Variants in MAPK10 observed in about 807,000 individuals in gnomAD.
MAPK10 encodes mitogen-activated protein kinase 10, also known as JNK3 alpha protein kinase.
MAPK10 carries 25 observed loss-of-function variants against 59.3 expected under a neutral mutation model. That is an observed-to-expected ratio of 0.42 (90% CI 0.31 to 0.59). The LOEUF is 0.59. Among genes scored for constraint, MAPK10 ranks in the 20% least tolerant of loss-of-function variants. MAPK10 has a pLI of 0.15. For missense variants in MAPK10, 351 were observed against 568.9 expected (o/e 0.62, Z 3.90); for synonymous variants, 190 against 200.5 (o/e 0.95, Z 0.44).
chr4:86,213,573 T>TA (rs1255151634), intron 2 of MAPK10, among the ~76,000 whole-genome samples: 4 of 152,026 alleles, frequency 2.6e-5, no homozygotes, highest in Non-Finnish European at 5.9e-5. Context: ...AATAAGAGAT[T>TA]ACTGTGATTA....
intron 1 of MAPK10, among the ~76,000 whole-genome samples, chr4:86,398,193 T>A (rs1042477015): frequency 4.7e-5 from 7 of 150,130 alleles, no homozygotes; most frequent in African/African-American, 1.7e-4. Flanking sequence ...TGCCCATAAT[T>A]AGTATTTCTA....
intron 1 of MAPK10, among the ~76,000 whole-genome samples, chr4:86,529,363 T>C (rs528169110): frequency 6.6e-6 from 1 of 152,166 alleles, no homozygotes; most frequent in Non-Finnish European, 1.5e-5. Context: ...TCTGCAGGCA[T>C]GTGAGGACTT....
Position 86,049,059 on chromosome 4 carries a change from C to T in MAPK10, c.1110+15207G>A, listed in dbSNP as rs1310024713. On this transcript the variant is annotated intron_variant, in intron 11 of 13. Transcript: ENST00000641462. Reference sequence around the variant, plus strand: ...ATTATATAAGAAAGCATTTGTGTACCACATTTACATATGAGATGTTTATCA... The same window carrying T: ...ATTATATAAGAAAGCATTTGTGTACTACATTTACATATGAGATGTTTATCA... 2.0e-5 allele frequency among the ~76,000 whole-genome samples: 3 copies of T among 151,982 alleles called. No individual in the cohort carries two copies. In the East Asian group the frequency reaches 5.8e-4, roughly 29 times the overall value.
In MAPK10 at chr4:86,343,211, C is replaced by A. The variant is rs182842254; in HGVS notation, c.-7+11319G>T. Among the ~76,000 whole-genome samples, 22 of 152,270 alleles carry A rather than the reference C, an allele frequency of 1.4e-4. No individual in the cohort carries two copies. In the East Asian group the frequency reaches 4.2e-3, roughly 29 times the overall value. On this transcript the variant is annotated intron_variant, in intron 2 of 13. Transcript: ENST00000641462. The stretch of plus-strand genomic sequence containing the variant: ...GTCTTCCTCATGAAGACCTCCTGAC[C>A]TACCATCTGTAAAGGACTGCTTCCT...
intron 1 of MAPK10, among the ~76,000 whole-genome samples, chr4:86,369,963 T>C (rs961550861): frequency 6.6e-6 from 1 of 152,154 alleles, no homozygotes. Context: ...AATTAGATAA[T>C]GTATGTGACA....
At chr4:86,103,160 C>T in intron 6 of MAPK10, 26 bp downstream of exon 6, 8 of 1,581,306 alleles carry the variant, frequency 5.1e-6, no homozygotes, top group Non-Finnish European at 6.9e-6. Context: ...TGTGCTCTCC[C>T]TTCCTTCATG....
rs546824479 is a variant in MAPK10, at chr4:86,489,295, T to A, written c.-263+104615A>T. On this transcript the variant is annotated intron_variant, in intron 1 of 4. Coordinates refer to the MAPK10 transcript ENST00000502302. Reference sequence around the variant, plus strand: ...AATTATTTATGCAGTAATAGATAACTAATTATAGACTCAAGTATCTCAAAG... The same window carrying A: ...AATTATTTATGCAGTAATAGATAACAAATTATAGACTCAAGTATCTCAAAG... 1.7e-4 allele frequency among the ~76,000 whole-genome samples: 26 copies of A among 152,314 alleles called. No homozygotes were observed. The South Asian group carries it at 5.2e-3, about 30-fold the overall frequency.
chr4:86,366,940 T>G (rs899277961), intron 1 of MAPK10, among the ~76,000 whole-genome samples: 4 of 152,152 alleles, frequency 2.6e-5, no homozygotes, highest in Admixed American at 1.3e-4. Flanking sequence ...CTTAAAGTCC[T>G]ACATCATAGG....
intron 11 of MAPK10, among the ~76,000 whole-genome samples, chr4:86,041,702 A>G (rs2041560988): frequency 6.6e-6 from 1 of 152,236 alleles, no homozygotes; most frequent in Non-Finnish European, 1.5e-5. Context: ...TTATGTGGCC[A>G]ACAAACATGT....
Position 86,198,045 on chromosome 4 carries a change from T to C in MAPK10, c.-6-3638A>G, listed in dbSNP as rs190811523. Among the ~76,000 whole-genome samples the C allele has an allele frequency of 3.3e-5, 5 of 152,202 alleles. No homozygotes were observed. In the East Asian group the frequency reaches 7.7e-4, roughly 24 times the overall value. On this transcript the variant is annotated intron_variant, in intron 2 of 13. Transcript: ENST00000641462. ...CATGCTGATCCACCCCAATTAGTCATTGTATGGGGATGGGGAGAAACTAGA... is the reference window on the plus strand; with the variant it reads ...CATGCTGATCCACCCCAATTAGTCACTGTATGGGGATGGGGAGAAACTAGA...
chr4:86,216,295 CATATATATATAT>C (rs10639041), intron 2 of MAPK10, among the ~76,000 whole-genome samples: 2,371 of 131,146 alleles, frequency 0.018, 83 homozygotes, highest in African/African-American at 0.071. Context: ...ATATATATAG[CATATATATATAT>C]ATATATATAT....
intron 1 of MAPK10, among the ~76,000 whole-genome samples, chr4:86,365,117 G>A (rs979920497): frequency 4.6e-5 from 7 of 152,098 alleles, no homozygotes; most frequent in East Asian, 1.9e-4. Context: ...GGCACTTACC[G>A]TATTGTATTT....
chr4:86,525,024 A>C (rs1378002124), intron 1 of MAPK10, among the ~76,000 whole-genome samples: 2 of 150,962 alleles, frequency 1.3e-5, no homozygotes, highest in Non-Finnish European at 2.9e-5. Context: ...CAGTCCAGGC[A>C]TGATGGCTCA....
intron 2 of MAPK10, among the ~76,000 whole-genome samples, chr4:86,199,219 G>A (rs75300909): frequency 0.085 from 12,848 of 151,686 alleles, 1,181 homozygotes; most frequent in African/African-American, 0.23. Flanking sequence ...CAGTATACAT[G>A]TACAAGAAAA....
chr4:86,586,682 T>C (rs1762673197), intron 1 of MAPK10, among the ~76,000 whole-genome samples: 1 of 152,148 alleles, frequency 6.6e-6, no homozygotes, highest in Non-Finnish European at 1.5e-5. Flanking sequence ...AATGTTTTGG[T>C]TCGGGTAGAG....
intron 11 of MAPK10, among the ~76,000 whole-genome samples, chr4:86,042,779 G>A (rs2041831826): frequency 6.6e-6 from 1 of 151,644 alleles, no homozygotes; most frequent in African/African-American, 2.4e-5. Context: ...AAAAAAGAGG[G>A]GAAGAAATGA....
chr4:86,045,804 C>T (rs936632202), intron 11 of MAPK10, among the ~76,000 whole-genome samples: 1 of 151,416 alleles, frequency 6.6e-6, no homozygotes, highest in Non-Finnish European at 1.5e-5. Context: ...GGGATTTTTG[C>T]ATATACCCTT....
intron 1 of MAPK10, among the ~76,000 whole-genome samples, chr4:86,518,235 C>A (rs1756850202): frequency 6.6e-6 from 1 of 152,186 alleles, no homozygotes; most frequent in Admixed American, 6.5e-5. Flanking sequence ...GTTGGCCAGG[C>A]TTGCCTCGAA....
intron 2 of MAPK10, among the ~76,000 whole-genome samples, chr4:86,200,084 C>T (rs968482365): frequency 6.6e-5 from 10 of 151,990 alleles, no homozygotes; most frequent in Admixed American, 4.6e-4. Context: ...TAAATTTTAA[C>T]CTGTGATGTT....
Sources: gnomAD v4.1 joint callset for allele counts (sites outside exome capture counted in the v4.1 genomes callset) on GRCh38, gnomAD v4.1.1 for gene constraint, MANE v1.5 for transcripts, NCBI Gene and HGNC (gene_info 2026-07-23, HGNC 2026-07-21) for gene names.